Variants in THRAP3 observed in about 807,000 individuals in gnomAD.
THRAP3 encodes thyroid hormone receptor-associated protein 3.
Under a neutral mutation model 101.0 loss-of-function variants are expected in THRAP3, and 16 were observed. The ratio of observed to expected loss-of-function variants is 0.16; its 90% CI spans 0.11 to 0.24. THRAP3 has a LOEUF of 0.24. Ranked by LOEUF, THRAP3 falls within the 10% of genes least tolerant of loss-of-function variation. The pLI, the probability that THRAP3 is intolerant of heterozygous loss-of-function variation, is 1.00. For synonymous variants in THRAP3, 407 were observed against 422.6 expected (o/e 0.96, Z 0.45); for missense variants, 989 against 1,202.7 (o/e 0.82, Z 2.63).
At chr1:36,241,385 GTATATATATATATATATATATA>G (rs1166260923) in intron 1 of THRAP3, among the ~76,000 whole-genome samples, 18 of 8,654 alleles carry the variant, frequency 2.1e-3, no homozygotes, top group African/African-American at 2.6e-3. Flanking sequence ...GATAATGGGT[GTATATATATATATATATATATA>G]TATATATATA....
At chr1:36,208,298 G>C in the THRAP3 span, among the ~76,000 whole-genome samples, 3 of 152,286 alleles carry the variant, frequency 2.0e-5, no homozygotes, top group South Asian at 4.1e-4. Context: ...GGTAAGAGTT[G>C]TCATATGGAT....
chr1:36,236,094 A>AAT (rs923754690), intron 1 of THRAP3, among the ~76,000 whole-genome samples: 12 of 151,872 alleles, frequency 7.9e-5, no homozygotes, highest in African/African-American at 2.9e-4. Context: ...TAAAAATAAA[A>AAT]AAAAAAAATT....
At chr1:36,259,543 C>G (rs554230601) in intron 2 of THRAP3, 59 bp downstream of exon 2, 3 of 397,342 alleles carry the variant, frequency 7.6e-6, no homozygotes, top group Non-Finnish European at 1.3e-5. Context: ...ACCAATCTTA[C>G]GTTAAGAATT....
At chr1:36,288,989 C>T (rs767318462) in intron 4 of THRAP3, 71 bp from the exon 5 acceptor site, 25 of 1,409,926 alleles carry the variant, frequency 1.8e-5, no homozygotes, top group Admixed American at 3.0e-5. Flanking sequence ...AAACCAAAAA[C>T]GGTAAGGCAC....
chr1:36,295,487 T>TG (rs1264404911), intron 8 of THRAP3, among the ~76,000 whole-genome samples: 10 of 152,150 alleles, frequency 6.6e-5, no homozygotes, highest in Admixed American at 4.6e-4. Context: ...GGTGTGCTGT[T>TG]GCTGCTGCAA....
In THRAP3 at chr1:36,230,373, C is replaced by A. The variant is rs989341846; in HGVS notation, c.-135+5868C>A. ...CCTCAGGTGATCCGCCCGCTTCGGC[C>A]TCCCAAAGTGCTAGGATTACAGGCA... On this transcript the variant is annotated intron_variant, in intron 1 of 11. Coordinates refer to ENST00000354618, the MANE Select transcript of THRAP3 (RefSeq NM_005119.4). Among the ~76,000 whole-genome samples, 3 of 152,106 alleles carry A rather than the reference C, an allele frequency of 2.0e-5. No homozygotes were observed. In the East Asian group the frequency reaches 5.8e-4, roughly 29 times the overall value.
In THRAP3 at chr1:36,259,875, A is replaced by G. The variant is rs1645422522; in HGVS notation, c.-32+391A>G. ...TTGAAAAAGGCTGTCGGTAAACTTG[A>G]CATCTGTAATCATTAATATTTTGGG... is the stretch of plus-strand genomic sequence containing the variant. On this transcript the variant is annotated intron_variant, in intron 2 of 11. Coordinates refer to ENST00000354618, the MANE Select transcript of THRAP3 (RefSeq NM_005119.4). Among the ~76,000 whole-genome samples, 2 of 152,312 alleles carry G rather than the reference A, an allele frequency of 1.3e-5. 1 individual carries two copies. Among genetic ancestry groups the G allele is most frequent in the Non-Finnish European group, 2.9e-5 (2 of 68,022 alleles).
the THRAP3 span, among the ~76,000 whole-genome samples, chr1:36,214,294 C>CCTAG: frequency 6.6e-6 from 1 of 152,162 alleles, no homozygotes; most frequent in African/African-American, 2.4e-5. Flanking sequence ...GGAGGTAGTA[C>CCTAG]CTAGCTGCTC....
intron 2 of THRAP3, among the ~76,000 whole-genome samples, chr1:36,273,031 T>G (rs868494309): frequency 2.0e-5 from 3 of 152,258 alleles, no homozygotes; most frequent in Admixed American, 6.5e-5. Flanking sequence ...GTGTGTTTAT[T>G]CATTTAACAA....
chr1:36,253,892 A>G (rs1645341110), intron 1 of THRAP3, among the ~76,000 whole-genome samples: 1 of 150,946 alleles, frequency 6.6e-6, no homozygotes, highest in African/African-American at 2.4e-5. Context: ...GATGTGAGCT[A>G]CTGTGCCAGG....
chr1:36,304,945 C>T lies in THRAP3; in HGVS notation c.*928C>T. 4.8e-6 allele frequency: 1 copy of T among 208,928 alleles called. No homozygotes were observed. The highest frequency in any genetic ancestry group is 9.7e-6 in the Non-Finnish European group (1 of 102,868). The allele number at this position is 208,928 out of a possible 1,614,324, so 12.9% of individuals were successfully genotyped here. A position where few individuals can be genotyped will look rare whatever the true frequency, so the allele number is the denominator to read the frequency against. ...TCTTTTTATAAAATGAAAAGAAACT[C>T]CTATGATCGATTAAGGAAGGTGGTT... On this transcript the variant is annotated 3_prime_UTR_variant, in exon 12 of 12. Coordinates refer to ENST00000354618, the MANE Select transcript of THRAP3 (RefSeq NM_005119.4).
intron 2 of THRAP3, among the ~76,000 whole-genome samples, chr1:36,271,472 G>A (rs996874994): frequency 1.3e-5 from 2 of 151,910 alleles, no homozygotes; most frequent in Admixed American, 6.6e-5. Flanking sequence ...TAGTGGAGAC[G>A]GGGTTTCACC....
chr1:36,298,949 C>G lies in THRAP3; in HGVS notation c.2304-1937C>G, dbSNP rs145194124. Among the ~76,000 whole-genome samples, 9 of 152,296 alleles carry G rather than the reference C, an allele frequency of 5.9e-5. No individual in the cohort carries two copies. In the East Asian group the frequency reaches 1.7e-3, roughly 29 times the overall value. ...AGCTGGGACTACAGGTGTACACCAT[C>G]ATGCCTGGCTAATTTTGTATTTCTT... On this transcript the variant is annotated intron_variant, in intron 9 of 11. Transcript: ENST00000354618.
chr1:36,251,281 A>G (rs1645297412), intron 1 of THRAP3, among the ~76,000 whole-genome samples: 4 of 152,192 alleles, frequency 2.6e-5, no homozygotes, highest in African/African-American at 7.2e-5. Context: ...GTTCTGGGAA[A>G]GTAGTCATTA....
chr1:36,249,294 C>T (rs1304230967), intron 1 of THRAP3, among the ~76,000 whole-genome samples: 1 of 151,584 alleles, frequency 6.6e-6, no homozygotes, highest in Non-Finnish European at 1.5e-5. Flanking sequence ...CAGGTTCATG[C>T]CATTCTCCTG....
At chr1:36,258,590 C>T (rs918570184) in intron 1 of THRAP3, among the ~76,000 whole-genome samples, 11 of 152,194 alleles carry the variant, frequency 7.2e-5, no homozygotes, top group African/African-American at 1.4e-4. Context: ...ACTCTCCCAC[C>T]TCAGCCTCCT....
At chr1:36,241,726 C>G (rs1166666806) in intron 1 of THRAP3, among the ~76,000 whole-genome samples, 1 of 151,384 alleles carries the variant, frequency 6.6e-6, no homozygotes, top group Non-Finnish European at 1.5e-5. Flanking sequence ...CTACAGGCAC[C>G]CACCACCATG....
intron 1 of THRAP3, among the ~76,000 whole-genome samples, chr1:36,249,844 A>G (rs1460790558): frequency 6.6e-6 from 1 of 152,036 alleles, no homozygotes; most frequent in Non-Finnish European, 1.5e-5. Context: ...TAAGGGTAGA[A>G]GCATAGGAGT....
At chr1:36,241,534 T>A (rs997267686) in intron 1 of THRAP3, among the ~76,000 whole-genome samples, 1 of 151,190 alleles carries the variant, frequency 6.6e-6, no homozygotes, top group African/African-American at 2.4e-5. Flanking sequence ...AATTAAGACA[T>A]TAACATGAGT....
Sources: gnomAD v4.1 joint callset for allele counts (sites outside exome capture counted in the v4.1 genomes callset) on GRCh38, gnomAD v4.1.1 for gene constraint, MANE v1.5 for transcripts, NCBI Gene and HGNC (gene_info 2026-07-23, HGNC 2026-07-21) for gene names.